Variants in CAMTA1 observed in about 807,000 individuals in gnomAD.
CAMTA1 encodes the protein calmodulin-binding transcription activator 1.
In CAMTA1, 27 loss-of-function variants were observed where a neutral mutation model predicts 170.9. The observed-to-expected ratio is 0.16, with a 90% CI of 0.12 to 0.22. The LOEUF is 0.22. CAMTA1 is among the 10% of genes least tolerant of loss of function. The pLI is 1.00. For synonymous variants in CAMTA1, 833 were observed against 891.5 expected, an observed-to-expected ratio of 0.93 and a Z score of 1.17; for missense variants, 1,619 against 2,217.2, an observed-to-expected ratio of 0.73 and a Z score of 5.42.
chr1:7,543,208 G>C (rs866689274), intron 6 of CAMTA1, among the ~76,000 whole-genome samples: 18 of 152,234 alleles, frequency 1.2e-4, no homozygotes, highest in Middle Eastern at 3.4e-3. Flanking sequence ...CCCATCTTCT[G>C]GATATGCTGT....
At chr1:7,512,363 G>A (rs557156175) in intron 6 of CAMTA1, among the ~76,000 whole-genome samples, 6 of 152,312 alleles carry the variant, frequency 3.9e-5, no homozygotes, top group Non-Finnish European at 8.8e-5. Flanking sequence ...GGGTGGTCCT[G>A]GAGGGATGAC....
intron 6 of CAMTA1, among the ~76,000 whole-genome samples, chr1:7,477,127 G>A (rs1166239783): frequency 2.6e-5 from 4 of 152,192 alleles, no homozygotes; most frequent in Non-Finnish European, 5.9e-5. Flanking sequence ...CCTGGCAGGA[G>A]TGACCATGGT....
intron 4 of CAMTA1, among the ~76,000 whole-genome samples, chr1:7,142,878 G>A (rs1404563051): frequency 6.6e-6 from 1 of 152,218 alleles, no homozygotes; most frequent in Non-Finnish European, 1.5e-5. Context: ...ACTAAGACAG[G>A]TGCCTTCCCT....
intron 4 of CAMTA1, among the ~76,000 whole-genome samples, chr1:7,117,711 C>T (rs1346593450): frequency 6.6e-6 from 1 of 152,166 alleles, no homozygotes; most frequent in Non-Finnish European, 1.5e-5. Flanking sequence ...CCTTAAAGAC[C>T]AGTTAAGGGA....
Position 7,664,239 on chromosome 1 carries a change from C to G in CAMTA1, c.1692C>G (p.Ala564=). The G allele has an allele frequency of 6.2e-7, 1 of 1,612,670 alleles. No homozygotes were observed. The highest frequency in any genetic ancestry group is 8.5e-7 in the Non-Finnish European group (1 of 1,179,966). The stretch of plus-strand genomic sequence containing the variant: ...CAGCCAGCTCCCTCACCCTGACCGC[C>G]GGCTCCAGCCTCCTGCCGTCGGGCG... ...AVAASSLTLT[A]GSSLLPSGGG... is the part of the protein sequence containing the mutation. The change falls in exon 9 of 23, where the codon GCC becomes GCG. Residue 564 remains alanine, a synonymous_variant. Coordinates refer to ENST00000303635, the MANE Select transcript of CAMTA1 (RefSeq NM_015215.4).
In CAMTA1 at chr1:7,664,157, C is replaced by T. The variant is rs1289949808; in HGVS notation, c.1610C>T (p.Thr537Ile). 1 of 1,612,896 alleles carries T rather than the reference C, an allele frequency of 6.2e-7. No homozygotes were observed. Among genetic ancestry groups the T allele is most frequent in the African/African-American group, 1.3e-5 (1 of 74,942 alleles). ...VLTKEIKTED[T>I]SFEQQMAKEA... The stretch of plus-strand genomic sequence containing the variant: ...ACCAAGGAGATCAAGACCGAGGACA[C>T]CTCCTTCGAGCAGCAGATGGCCAAA... Residue 537 changes from threonine to isoleucine, a missense_variant, in exon 9 of 23, where the codon ACC becomes ATC. Thr to Ile is a moderately conservative substitution (Grantham distance 89). Coordinates refer to ENST00000303635, the MANE Select transcript of CAMTA1 (RefSeq NM_015215.4).
chr1:7,283,606 T>C (rs6687562), intron 5 of CAMTA1, among the ~76,000 whole-genome samples: 4,390 of 152,290 alleles, frequency 0.029, 207 homozygotes, highest in African/African-American at 0.099. Flanking sequence ...ATGATCTTCA[T>C]CTTCAAATAT....
intron 4 of CAMTA1, among the ~76,000 whole-genome samples, chr1:7,244,325 C>T (rs930902769): frequency 3.3e-5 from 5 of 152,212 alleles, no homozygotes; most frequent in East Asian, 1.9e-4. Context: ...TTGCGGAAGT[C>T]GGTGTGGCGA....
Position 7,561,092 on chromosome 1 carries a change from C to T in CAMTA1, c.511-79308C>T, listed in dbSNP as rs1435765091. Among the ~76,000 whole-genome samples, 61 of 152,130 alleles carry T rather than the reference C, an allele frequency of 4.0e-4. No homozygotes were observed. Among genetic ancestry groups the T allele is most frequent in the Non-Finnish European group, 1.5e-5 (1 of 68,020 alleles). On this transcript the variant is annotated intron_variant, in intron 6 of 22. Coordinates refer to ENST00000303635, the MANE Select transcript of CAMTA1 (RefSeq NM_015215.4). The surrounding 1 kb of genome is among the most constrained non-coding windows in gnomAD (Gnocchi z 5.3). The stretch of plus-strand genomic sequence containing the variant: ...GGCGCTTCCCATGAGGCAGGATCCT[C>T]ATTGCTGTCCTTTCTGAACAACGCC...
chr1:7,235,223 T>C (rs181324211), intron 4 of CAMTA1, among the ~76,000 whole-genome samples: 1 of 152,260 alleles, frequency 6.6e-6, no homozygotes, highest in East Asian at 1.9e-4. Flanking sequence ...GTTCTCCTCT[T>C]GCTTGGTTGT....
chr1:7,488,793 TACAC>T (rs1479613658), intron 6 of CAMTA1, among the ~76,000 whole-genome samples: 1 of 151,218 alleles, frequency 6.6e-6, no homozygotes, highest in East Asian at 2.0e-4. Flanking sequence ...GCAATATAAA[TACAC>T]ACATGTAATA....
chr1:7,336,440 G>A (rs1366582778), intron 5 of CAMTA1, among the ~76,000 whole-genome samples: 4 of 152,228 alleles, frequency 2.6e-5, no homozygotes, highest in Admixed American at 2.6e-4. Flanking sequence ...AGATGCACCA[G>A]CTGGTGGAAG....
chr1:7,688,294 C>T (rs1017657482), intron 11 of CAMTA1, among the ~76,000 whole-genome samples: 1 of 152,162 alleles, frequency 6.6e-6, no homozygotes, highest in African/African-American at 2.4e-5. Flanking sequence ...CGTGAGCCAC[C>T]ATGCCCAGCC....
rs115784173 is a variant in CAMTA1 at position 7,144,514 on chromosome 1, T to G, written c.302+53143T>G. On this transcript the variant is annotated intron_variant, in intron 4 of 22. Coordinates refer to ENST00000303635, the MANE Select transcript of CAMTA1 (RefSeq NM_015215.4). This position sits in a 1 kb window ranked among gnomAD's most constrained non-coding sequence, Gnocchi z 4.0. Reference sequence around the variant, plus strand: ...CAACCCCTCATGCTATCAGGACCGATATATATAACACTAGGCAGGATTAGA... The same window carrying G: ...CAACCCCTCATGCTATCAGGACCGAGATATATAACACTAGGCAGGATTAGA... Among the ~76,000 whole-genome samples the G allele has an allele frequency of 3.2e-3, 491 of 152,268 alleles. 4 individuals carry two copies. The highest frequency in any genetic ancestry group is 5.0e-3 in the Non-Finnish European group (340 of 68,012).
intron 5 of CAMTA1, among the ~76,000 whole-genome samples, chr1:7,441,872 C>T (rs1415024325): frequency 6.6e-6 from 1 of 152,210 alleles, no homozygotes; most frequent in Non-Finnish European, 1.5e-5. Flanking sequence ...GCTCTTAGAC[C>T]AACGTGGGTT....
At chr1:6,888,178 TCTAAA>T (rs1673733607) in intron 3 of CAMTA1, 1 of 986,960 alleles carries the variant, frequency 1.0e-6, no homozygotes, top group Non-Finnish European at 1.2e-6. Context: ...CAGTGCAGAG[TCTAAA>T]TAAACGCTGT....
At chr1:6,942,845 C>A (rs1472591203) in intron 3 of CAMTA1, among the ~76,000 whole-genome samples, 1 of 152,172 alleles carries the variant, frequency 6.6e-6, no homozygotes, top group Non-Finnish European at 1.5e-5. Flanking sequence ...CACGGCCAGA[C>A]ACGATGTTTG....
chr1:7,733,876 TC>T (rs750394299), intron 12 of CAMTA1, among the ~76,000 whole-genome samples: 2 of 152,174 alleles, frequency 1.3e-5, no homozygotes, highest in African/African-American at 2.4e-5. Flanking sequence ...TTCATATTGC[TC>T]CCCTGTCTTC....
chr1:7,759,350 T>C (rs921632605), intron 22 of CAMTA1, among the ~76,000 whole-genome samples: 1 of 152,168 alleles, frequency 6.6e-6, no homozygotes, highest in African/African-American at 2.4e-5. Context: ...TGTCTTGAAA[T>C]GTTTAGTCTT....
Sources: gnomAD v4.1 joint callset for allele counts (sites outside exome capture counted in the v4.1 genomes callset) on GRCh38, gnomAD v4.1.1 for gene constraint, Gnocchi (gnomAD v3.1) non-coding constraint, MANE v1.5 for transcripts, NCBI Gene and HGNC (gene_info 2026-07-23, HGNC 2026-07-21) for gene names.